PARD6G: variants seen among roughly 807,000 people sequenced by gnomAD.
The protein encoded by PARD6G is par-6 family cell polarity regulator gamma, also known as partitioning defective 6 homolog gamma.
Under a neutral mutation model 10.7 loss-of-function variants are expected in PARD6G, and 7 were observed. The observed-to-expected ratio is 0.66, with a 90% CI of 0.37 to 1.23. The LOEUF (loss-of-function observed/expected upper bound fraction) is 1.23. PARD6G is among the 50% of genes most tolerant of loss of function. PARD6G has a pLI of 0.02. For missense variants in PARD6G, 548 were observed against 571.8 expected (o/e 0.96, Z 0.42); for synonymous variants, 287 against 269.4 (o/e 1.07, Z -0.64).
chr18:80,202,952 G>T lies in PARD6G; in HGVS notation c.73-20C>A. 7 of 355,906 alleles carry T rather than the reference G, an allele frequency of 2.0e-5. No individual in the cohort carries two copies. The highest frequency in any genetic ancestry group is 8.9e-5 in the East Asian group (1 of 11,190). 22.0% of individuals were successfully genotyped at this position (355,906 alleles called of 1,614,324 possible). A position where few individuals can be genotyped will look rare whatever the true frequency, so the allele number is the denominator to read the frequency against. Reference sequence around the variant, plus strand: ...CCCAAACTACAATGCAAGAGACGGGGTGGGGGGAGGGGCATTAATAAATAC... The same window carrying T: ...CCCAAACTACAATGCAAGAGACGGGTTGGGGGGAGGGGCATTAATAAATAC... On this transcript the variant is annotated intron_variant, in intron 1 of 2. Coordinates refer to ENST00000353265, the MANE Select transcript of PARD6G (RefSeq NM_032510.4).
rs144154077 is a variant in PARD6G at position 80,200,999 on chromosome 18, C to A, written c.295+1711G>T. 8.5e-5 allele frequency among the ~76,000 whole-genome samples: 13 copies of A among 152,334 alleles called. No individual in the cohort carries two copies. The East Asian group carries it at 2.5e-3, about 29-fold the overall frequency. On this transcript the variant is annotated intron_variant, in intron 2 of 2. Transcript: ENST00000353265. This position sits in a 1 kb window ranked among gnomAD's most constrained non-coding sequence, Gnocchi z 4.4. ...CCTGTGCGCACATCTGCAGTTTACA[C>A]ACCTTCTTCACACCATTGCTCACCC...
intron 2 of PARD6G, chr18:80,170,953 G>C (rs1191757239): frequency 6.6e-6 from 1 of 152,120 alleles, no homozygotes; most frequent in Non-Finnish European, 1.5e-5. Flanking sequence ...CCCTGACCCA[G>C]GAGGAGAGAC....
At position 80,246,559 on chromosome 18, in the gene PARD6G, C is replaced by CG. The variant is rs1325932484; in HGVS notation, c.72+717dup. Among the ~76,000 whole-genome samples, 4 of 80,626 alleles carry CG rather than the reference C, an allele frequency of 5.0e-5. No homozygotes were observed. The highest frequency in any genetic ancestry group is 1.5e-4 in the African/African-American group (3 of 20,490). The allele number at this position is 80,626 out of a possible 152,430, so 52.9% of individuals were successfully genotyped here. ...TCTGGGTCTGAGCCGGGGGCGCGCC[C>CG]GGGGGAGTGGGCTGGGTCTGGGGCG... On this transcript the variant is annotated intron_variant, in intron 1 of 2. Transcript: ENST00000353265. This position sits in a 1 kb window ranked among gnomAD's most constrained non-coding sequence, Gnocchi z 6.7.
At chr18:80,224,604 T>G (rs1375720404) in intron 1 of PARD6G, among the ~76,000 whole-genome samples, 2 of 152,154 alleles carry the variant, frequency 1.3e-5, no homozygotes, top group Non-Finnish European at 2.9e-5. Context: ...TCCCAGCACT[T>G]TGAGAGGCCG....
intron 1 of PARD6G, among the ~76,000 whole-genome samples, chr18:80,230,625 G>T (rs1399641120): frequency 2.0e-5 from 3 of 152,158 alleles, no homozygotes; most frequent in African/African-American, 7.2e-5. Context: ...TGTACCCTGT[G>T]GCCCCTCTGA....
At chr18:80,239,760 C>T (rs1200469417) in intron 1 of PARD6G, among the ~76,000 whole-genome samples, 1 of 152,276 alleles carries the variant, frequency 6.6e-6, no homozygotes, top group Admixed American at 6.5e-5. Context: ...CTTACCTTCA[C>T]AGGATACAGA....
intron 1 of PARD6G, among the ~76,000 whole-genome samples, chr18:80,205,019 A>G (rs998779239): frequency 2.0e-5 from 3 of 152,096 alleles, no homozygotes; most frequent in Admixed American, 2.0e-4. Context: ...AAGCCCCTCT[A>G]ACCTACGGTC....
chr18:80,215,290 A>G (rs1967152059), intron 1 of PARD6G, among the ~76,000 whole-genome samples: 1 of 152,222 alleles, frequency 6.6e-6, no homozygotes, highest in Non-Finnish European at 1.5e-5. Flanking sequence ...AACATTACAC[A>G]TAACTTGAAT....
chr18:80,183,142 C>A lies in PARD6G; in HGVS notation c.295+19568G>T. 1.4e-6 allele frequency: 1 copy of A among 702,980 alleles called. No homozygotes were observed. The highest frequency in any genetic ancestry group is 2.6e-6 in the Non-Finnish European group (1 of 385,004). The allele number at this position is 702,980 out of a possible 1,614,324, so 43.5% of individuals were successfully genotyped here. On this transcript the variant is annotated intron_variant, in intron 2 of 2. Transcript: ENST00000353265. The surrounding 1 kb of genome is among the most constrained non-coding windows in gnomAD (Gnocchi z 4.5). ...AAGAGTCAGGTTCCTGGTCGCAGGG[C>A]TCCGTCATCTGCAGGAAAATTAGTG...
intron 1 of PARD6G, among the ~76,000 whole-genome samples, chr18:80,217,081 A>G (rs375145680): frequency 6.6e-6 from 1 of 152,212 alleles, no homozygotes; most frequent in Non-Finnish European, 1.5e-5. Context: ...TTATAATACC[A>G]GAAAGTAAAG....
At position 80,246,851 on chromosome 18, in the gene PARD6G, G is replaced by C. The variant is rs533766746; in HGVS notation, c.72+426C>G. The stretch of plus-strand genomic sequence containing the variant: ...TCCTTTGCAGCCTTGAAGGCGCCTT[G>C]GCCAGGGCCATCCCACGGCCCGGGC... On this transcript the variant is annotated intron_variant, in intron 1 of 2. Transcript: ENST00000353265. This position sits in a 1 kb window ranked among gnomAD's most constrained non-coding sequence, Gnocchi z 6.7. Among the ~76,000 whole-genome samples, 789 of 152,166 alleles carry C rather than the reference G, an allele frequency of 5.2e-3. 5 individuals carry two copies. Among genetic ancestry groups the C allele is most frequent in the Non-Finnish European group, 7.8e-3 (531 of 67,946 alleles).
At chr18:80,179,611 G>A (rs1400382585) in intron 2 of PARD6G, among the ~76,000 whole-genome samples, 4 of 152,216 alleles carry the variant, frequency 2.6e-5, no homozygotes, top group Non-Finnish European at 4.4e-5. Context: ...CAAGAGGAGA[G>A]GTGCAGGCGA....
intron 1 of PARD6G, among the ~76,000 whole-genome samples, chr18:80,224,755 G>A (rs1967272071): frequency 6.6e-6 from 1 of 152,108 alleles, no homozygotes; most frequent in Admixed American, 6.5e-5. Context: ...GCTGAGGCAG[G>A]AGAATGGCGT....
intron 2 of PARD6G, among the ~76,000 whole-genome samples, chr18:80,191,056 T>A (rs1329918678): frequency 6.6e-6 from 1 of 152,214 alleles, no homozygotes; most frequent in Non-Finnish European, 1.5e-5. Flanking sequence ...CGTGTGAGAA[T>A]TCACTGGCTC....
intron 1 of PARD6G, among the ~76,000 whole-genome samples, chr18:80,224,420 T>G (rs1210546615): frequency 6.6e-6 from 1 of 152,220 alleles, no homozygotes; most frequent in Non-Finnish European, 1.5e-5. Flanking sequence ...TGATTCAGTA[T>G]GTTCTGGACA....
At chr18:80,172,862 T>A (rs1435120125) in intron 2 of PARD6G, among the ~76,000 whole-genome samples, 1 of 152,270 alleles carries the variant, frequency 6.6e-6, no homozygotes. Context: ...CTAATTTTTC[T>A]TTTTTGCTTG....
chr18:80,178,707 C>T (rs2052830726), intron 2 of PARD6G, among the ~76,000 whole-genome samples: 1 of 152,204 alleles, frequency 6.6e-6, no homozygotes, highest in Non-Finnish European at 1.5e-5. Flanking sequence ...GAAGGAGTGC[C>T]ACCTTCACAT....
intron 1 of PARD6G, among the ~76,000 whole-genome samples, chr18:80,209,993 T>C (rs1054237456): frequency 6.6e-6 from 1 of 152,184 alleles, no homozygotes; most frequent in Non-Finnish European, 1.5e-5. Flanking sequence ...CTTCTTATCA[T>C]AATTTTGACC....
Position 80,210,898 on chromosome 18 carries a change from C to T in PARD6G, c.73-7966G>A, listed in dbSNP as rs555078320. On this transcript the variant is annotated intron_variant, in intron 1 of 2. Transcript: ENST00000353265. ...TGACTGGCAAAACCTCCCCACCCCC[C>T]ATCCCCAAACACACGTCACTAGTCA... Among the ~76,000 whole-genome samples, 3 of 151,634 alleles carry T rather than the reference C, an allele frequency of 2.0e-5. No individual in the cohort carries two copies. In the South Asian group the frequency reaches 6.3e-4, roughly 32 times the overall value.
Sources: allele counts gnomAD v4.1 joint callset (sites outside exome capture counted in the v4.1 genomes callset), GRCh38; gene constraint gnomAD v4.1.1; non-coding constraint Gnocchi (gnomAD v3.1); transcripts MANE v1.5; gene names NCBI Gene and HGNC (gene_info 2026-07-23, HGNC 2026-07-21).